Variants in CADPS2 observed in about 807,000 individuals in gnomAD.
The protein encoded by CADPS2 is calcium-dependent secretion activator 2.
CADPS2 carries 93 observed loss-of-function variants against 172.5 expected under a neutral mutation model. The ratio of observed to expected loss-of-function variants is 0.54; its 90% CI spans 0.46 to 0.64. The LOEUF (loss-of-function observed/expected upper bound fraction) is 0.64, where lower values mean the gene tolerates loss of function less well. Among genes scored for constraint, CADPS2 ranks in the 30% least tolerant of loss-of-function variants. The pLI is 0.00. For synonymous variants in CADPS2, 546 were observed against 555.2 expected (o/e 0.98, Z 0.23); for missense variants, 1,420 against 1,565.9 (o/e 0.91, Z 1.57).
At chr7:122,647,135 T>C (rs1487388887) in intron 3 of CADPS2, among the ~76,000 whole-genome samples, 2 of 152,116 alleles carry the variant, frequency 1.3e-5, no homozygotes, top group South Asian at 2.1e-4. Context: ...AAACGAGGAA[T>C]TGATCTACCT....
chr7:122,478,211 T>C (rs1427394977), intron 12 of CADPS2, among the ~76,000 whole-genome samples: 1 of 152,226 alleles, frequency 6.6e-6, no homozygotes, highest in Non-Finnish European at 1.5e-5. Context: ...CACAACATTA[T>C]GGTGACTAGT....
At chr7:122,570,964 C>G (rs1193912681) in intron 7 of CADPS2, among the ~76,000 whole-genome samples, 1 of 151,876 alleles carries the variant, frequency 6.6e-6, no homozygotes. Flanking sequence ...AGCACACCAG[C>G]ATGGCACATG....
At chr7:122,455,134 C>G (rs1046683058) in intron 14 of CADPS2, among the ~76,000 whole-genome samples, 2 of 152,188 alleles carry the variant, frequency 1.3e-5, no homozygotes, top group Non-Finnish European at 2.9e-5. Flanking sequence ...CTCCCCTCCA[C>G]TCAAGCCATG....
Position 122,387,154 on chromosome 7 carries a change from G to A in CADPS2, c.3184C>T (p.Leu1062Phe). Reference sequence around the variant, plus strand: ...GTTTTGCTTGCCTTTTGTAGCTTGAGTTCAAATGCAGTTCTTGTTCTAGTT... The same window carrying A: ...GTTTTGCTTGCCTTTTGTAGCTTGAATTCAAATGCAGTTCTTGTTCTAGTT... ...CVKRTRTAFE[L>F]KLQKASKTTD... Residue 1062 changes from leucine (L) to phenylalanine (F), a missense_variant, in exon 24 of 30, where the codon CTC becomes TTC. Leu to Phe is a conservative substitution (Grantham distance 22). Transcript: ENST00000449022. The A allele has an allele frequency of 6.3e-7, 1 of 1,580,620 alleles. No homozygotes were observed. Among genetic ancestry groups the A allele is most frequent in the Non-Finnish European group, 8.6e-7 (1 of 1,161,120 alleles).
chr7:122,625,297 G>A (rs1381481731), intron 4 of CADPS2, among the ~76,000 whole-genome samples: 1 of 152,072 alleles, frequency 6.6e-6, no homozygotes, highest in Admixed American at 6.6e-5. Context: ...TAATCCGCCC[G>A]CCTCAGCCTC....
chr7:122,490,340 C>A, intron 10 of CADPS2, 59 bp from the exon 11 acceptor site: 1 of 1,343,230 alleles, frequency 7.4e-7, no homozygotes, highest in Non-Finnish European at 1.1e-6. Context: ...ATTTTCGTCT[C>A]ATTCACTAAC....
chr7:122,713,140 T>C (rs565974432), intron 2 of CADPS2, among the ~76,000 whole-genome samples: 1 of 152,272 alleles, frequency 6.6e-6, no homozygotes, highest in South Asian at 2.1e-4. Flanking sequence ...GTTCACAAAG[T>C]TTCCTTCATT....
In CADPS2 at chr7:122,805,454, G is replaced by A. The variant is rs1258674463; in HGVS notation, c.340-68386C>T. On this transcript the variant is annotated intron_variant, in intron 1 of 29. Transcript: ENST00000449022. ...ATTACAGGAGTGAGCCACCACACCCGGTCTTCAATTATTTTTATTGTTTAC... is the reference window on the plus strand; with the variant it reads ...ATTACAGGAGTGAGCCACCACACCCAGTCTTCAATTATTTTTATTGTTTAC... Among the ~76,000 whole-genome samples, 17 of 152,134 alleles carry A rather than the reference G, an allele frequency of 1.1e-4. No homozygotes were observed. The East Asian group carries it at 3.3e-3, about 29-fold the overall frequency.
intron 6 of CADPS2, among the ~76,000 whole-genome samples, chr7:122,592,367 G>T (rs1397606851): frequency 6.6e-6 from 1 of 152,154 alleles, no homozygotes; most frequent in East Asian, 1.9e-4. Flanking sequence ...TGGAGAAATA[G>T]GAATGCTTTT....
At chr7:122,346,926 T>C (rs2037750946) in intron 27 of CADPS2, among the ~76,000 whole-genome samples, 1 of 152,200 alleles carries the variant, frequency 6.6e-6, no homozygotes, top group South Asian at 2.1e-4. Flanking sequence ...TATTGAGTTG[T>C]TGATTAGAGT....
At chr7:122,770,601 A>T (rs1406887892) in intron 1 of CADPS2, among the ~76,000 whole-genome samples, 1 of 151,530 alleles carries the variant, frequency 6.6e-6, no homozygotes, top group Non-Finnish European at 1.5e-5. Flanking sequence ...GGAAGAGACA[A>T]AAAAGACACT....
chr7:122,702,238 G>C (rs2086248113), intron 2 of CADPS2: 1 of 1,613,800 alleles, frequency 6.2e-7, no homozygotes. Flanking sequence ...CTGTCACATA[G>C]ACTCCTTTCT....
intron 1 of CADPS2, among the ~76,000 whole-genome samples, chr7:122,743,211 C>G (rs1270247251): frequency 6.6e-6 from 1 of 152,044 alleles, no homozygotes; most frequent in African/African-American, 2.4e-5. Context: ...AAAGAAAAAA[C>G]TAAATTTTAT....
chr7:122,719,780 T>C (rs746009518), intron 2 of CADPS2, among the ~76,000 whole-genome samples: 1 of 152,040 alleles, frequency 6.6e-6, no homozygotes, highest in South Asian at 2.1e-4. Context: ...GAATTAAATA[T>C]ATTCCAAGGT....
chr7:122,860,394 A>T (rs527349219), intron 1 of CADPS2, among the ~76,000 whole-genome samples: 1 of 152,008 alleles, frequency 6.6e-6, no homozygotes, highest in African/African-American at 2.4e-5. Flanking sequence ...ACCTGGCTAA[A>T]TTTTTTACTT....
chr7:122,777,979 T>C (rs1161791580), intron 1 of CADPS2, among the ~76,000 whole-genome samples: 9 of 152,046 alleles, frequency 5.9e-5, no homozygotes, highest in African/African-American at 2.2e-4. Flanking sequence ...GTTGGAATAG[T>C]TCAGAGGGGT....
intron 2 of CADPS2, among the ~76,000 whole-genome samples, chr7:122,683,659 T>C (rs2083308438): frequency 6.6e-6 from 1 of 152,014 alleles, no homozygotes; most frequent in Non-Finnish European, 1.5e-5. Flanking sequence ...TGTGGACCAA[T>C]GACAGTACCC....
chr7:122,521,297 C>CT (rs1262755002), intron 8 of CADPS2, among the ~76,000 whole-genome samples: 1 of 152,094 alleles, frequency 6.6e-6, no homozygotes, highest in Non-Finnish European at 1.5e-5. Flanking sequence ...ATTTAACTGA[C>CT]AACAATACAG....
intron 1 of CADPS2, among the ~76,000 whole-genome samples, chr7:122,775,103 A>G (rs1344278621): frequency 2.0e-5 from 3 of 152,172 alleles, no homozygotes; most frequent in Non-Finnish European, 4.4e-5. Flanking sequence ...TTGTGTTATA[A>G]AAGTTTTATG....
Sources: allele counts gnomAD v4.1 joint callset (sites outside exome capture counted in the v4.1 genomes callset), GRCh38; gene constraint gnomAD v4.1.1; transcripts MANE v1.5; gene names NCBI Gene and HGNC (gene_info 2026-07-23, HGNC 2026-07-21).